Variants in BANK1 observed in about 807,000 individuals in gnomAD.
BANK1 encodes B cell scaffold protein with ankyrin repeats 1, also known as B-cell scaffold protein with ankyrin repeats.
Under a neutral mutation model 94.5 loss-of-function variants are expected in BANK1, and 95 were observed. That is an observed-to-expected ratio of 1.00 (90% CI 0.85 to 1.19). The LOEUF is 1.19. Ranked by LOEUF, BANK1 falls within the 50% of genes most tolerant of loss-of-function variation. The probability of loss-of-function intolerance (pLI) is 0.00; values close to 1 mark genes in which losing one functional copy is unlikely to be tolerated. For synonymous variants in BANK1, 334 were observed against 308.4 expected (o/e 1.08, Z -0.87); for missense variants, 987 against 932.2 (o/e 1.06, Z -0.77).
chr4:101,878,906 G>T (rs79352955), intron 5 of BANK1, among the ~76,000 whole-genome samples: 1 of 151,822 alleles, frequency 6.6e-6, no homozygotes, highest in Non-Finnish European at 1.5e-5. Flanking sequence ...TGAAACAAAT[G>T]ATATGGCAGT....
Position 101,830,140 on chromosome 4 carries a change from T to C in BANK1, c.403T>C (p.Trp135Arg). 6.2e-7 allele frequency: 1 copy of C among 1,609,704 alleles called. No homozygotes were observed. Among genetic ancestry groups the C allele is most frequent in the Non-Finnish European group, 8.5e-7 (1 of 1,178,670 alleles). The change falls in exon 2 of 17, where the codon TGG becomes CGG. Residue 135 changes from tryptophan (W) to arginine (R), a missense_variant. Physicochemically the swap from Trp to Arg is moderately radical, Grantham distance 101 (BLOSUM62 -3). Transcript: ENST00000322953. ...ATTACTAAATATCTCTCAAAGCAGA[T>C]GGGAGATCTCAACTGAACAGGAACC... ...YELLNISQSR[W>R]EISTEQEPED...
At chr4:101,800,289 A>T (rs1275769834) in intron 1 of BANK1, among the ~76,000 whole-genome samples, 1 of 152,126 alleles carries the variant, frequency 6.6e-6, no homozygotes, top group Non-Finnish European at 1.5e-5. Context: ...ATTTAAAAAA[A>T]AAAAGAAAAG....
intron 2 of BANK1, among the ~76,000 whole-genome samples, chr4:101,839,474 G>C (rs1726949707): frequency 6.6e-6 from 1 of 152,064 alleles, no homozygotes; most frequent in African/African-American, 2.4e-5. Context: ...GTATTTCTAG[G>C]GAGGTAAGTA....
rs70964197 is a variant in BANK1 at position 101,839,937 on chromosome 4, A to ATTTTTTTTTTTTTTTTTTT, written c.469+9762_469+9780dup. Among the ~76,000 whole-genome samples the ATTTTTTTTTTTTTTTTTTT allele has an allele frequency of 5.7e-5, 3 of 53,036 alleles. 1 individual carries two copies. The highest frequency in any genetic ancestry group is 1.1e-4 in the Non-Finnish European group (3 of 27,278). 34.8% of individuals were successfully genotyped at this position (53,036 alleles called of 152,430 possible). A position where few individuals can be genotyped will look rare whatever the true frequency, so the allele number is the denominator to read the frequency against. On this transcript the variant is annotated intron_variant, in intron 2 of 16. Transcript: ENST00000322953. ...GCTACTATATAATTTCAAATATTTAATTTTTTTTTTTTTTTTTTTTTTTTT... is the reference window on the plus strand; with the variant it reads ...GCTACTATATAATTTCAAATATTTAATTTTTTTTTTTTTTTTTTTTTTTTTTTTTTTTTTTTTTTTTTTT...
At chr4:101,811,318 T>A (rs1042525060) in intron 1 of BANK1, among the ~76,000 whole-genome samples, 1 of 152,192 alleles carries the variant, frequency 6.6e-6, no homozygotes, top group South Asian at 2.1e-4. Flanking sequence ...TGAACCATTT[T>A]TAACCCTGGT....
intron 6 of BANK1, among the ~76,000 whole-genome samples, chr4:101,907,334 G>A (rs1012286551): frequency 6.6e-6 from 1 of 151,494 alleles, no homozygotes; most frequent in African/African-American, 2.4e-5. Flanking sequence ...TGCAGAAAAG[G>A]CCTTTGACAA....
chr4:102,013,001 A>G (rs184256947), intron 7 of BANK1, among the ~76,000 whole-genome samples: 48 of 152,284 alleles, frequency 3.2e-4, no homozygotes, highest in Non-Finnish European at 5.4e-4. Context: ...TATTCAAAGC[A>G]GCAAGATGAT....
At chr4:101,797,573 TA>T (rs2148848887) in intron 1 of BANK1, among the ~76,000 whole-genome samples, 1 of 152,254 alleles carries the variant, frequency 6.6e-6, no homozygotes, top group African/African-American at 2.4e-5. Flanking sequence ...AACTATTACT[TA>T]CATACCTTTT....
chr4:101,828,948 C>T (rs1332447996), intron 1 of BANK1, among the ~76,000 whole-genome samples: 4 of 151,896 alleles, frequency 2.6e-5, no homozygotes, highest in African/African-American at 7.3e-5. Flanking sequence ...CTGCAAACTC[C>T]GCCTCCTGGG....
At chr4:102,042,891 A>T (rs912484718) in intron 10 of BANK1, among the ~76,000 whole-genome samples, 3 of 152,012 alleles carry the variant, frequency 2.0e-5, no homozygotes, top group African/African-American at 7.2e-5. Context: ...GCTGTAAGGA[A>T]CCACGCAATA....
At chr4:102,041,041 C>T (rs1291072649) in intron 10 of BANK1, among the ~76,000 whole-genome samples, 2 of 152,018 alleles carry the variant, frequency 1.3e-5, no homozygotes, top group Non-Finnish European at 2.9e-5. Context: ...AACAAATTCT[C>T]GTCTAACTAA....
intron 1 of BANK1, among the ~76,000 whole-genome samples, chr4:101,808,096 A>AT (rs35828857): frequency 0.24 from 36,522 of 149,526 alleles, 5,018 homozygotes; most frequent in Non-Finnish European, 0.32. Flanking sequence ...AAAAAAAAAA[A>AT]GAAATGAAAT....
rs114484585 is a variant in BANK1, at chr4:102,012,101, C to A, written c.1207-9413C>A. Among the ~76,000 whole-genome samples the A allele has an allele frequency of 9.1e-3, 1,380 of 152,144 alleles. 10 individuals carry two copies. The highest frequency in any genetic ancestry group is 0.016 in the Non-Finnish European group (1,073 of 67,964). ...CTGCTTAATGATACATGCATTCTTA[C>A]AAGTTAAATTTCATAATTTAAATGT... On this transcript the variant is annotated intron_variant, in intron 7 of 16. Transcript: ENST00000322953.
rs1728477066 is a variant in BANK1 at position 102,063,096 on chromosome 4, G to C, written c.2170G>C (p.Asp724His). ...IQQEKLRQLR[D>H]CIIGKRPEEE... ...TAAGGAGAAATTACGACAACTACGAGACTGCATTATTGGGAAAAGGCCAGA... is the reference window on the plus strand; with the variant it reads ...TAAGGAGAAATTACGACAACTACGACACTGCATTATTGGGAAAAGGCCAGA... The change falls in exon 13 of 17, where the codon GAC becomes CAC. Residue 724 changes from aspartate to histidine, a missense_variant. By Grantham distance (81) the Asp-to-His change is moderately conservative (BLOSUM62 -1). Coordinates refer to ENST00000322953, the MANE Select transcript of BANK1 (RefSeq NM_017935.5). 2.5e-6 allele frequency: 4 copies of C among 1,613,628 alleles called. No individual in the cohort carries two copies. In the Admixed American group the frequency reaches 6.7e-5, roughly 27 times the overall value.
In BANK1 at chr4:101,936,401, A is replaced by G. The variant is rs552848909; in HGVS notation, c.1206+18212A>G. Among the ~76,000 whole-genome samples, 6 of 150,158 alleles carry G rather than the reference A, an allele frequency of 4.0e-5. No homozygotes were observed. In the East Asian group the frequency reaches 5.9e-4, roughly 15 times the overall value. On this transcript the variant is annotated intron_variant, in intron 7 of 16. Transcript: ENST00000322953. ...CATACATGCATACATGCATGTATATATGTGCGTATGCATGTATACATGCAT... is the reference window on the plus strand; with the variant it reads ...CATACATGCATACATGCATGTATATGTGTGCGTATGCATGTATACATGCAT...
rs539388545 is a variant in BANK1 at position 102,000,567 on chromosome 4, T to C, written c.1207-20947T>C. Reference sequence around the variant, plus strand: ...AGACATTCATTTAACAAATATTACTTTTGCTGTGGTATGGATTGCTTGCAG... The same window carrying C: ...AGACATTCATTTAACAAATATTACTCTTGCTGTGGTATGGATTGCTTGCAG... On this transcript the variant is annotated intron_variant, in intron 7 of 16. Coordinates refer to ENST00000322953, the MANE Select transcript of BANK1 (RefSeq NM_017935.5). Among the ~76,000 whole-genome samples the C allele has an allele frequency of 8.9e-4, 135 of 152,176 alleles. 1 individual carries two copies. Among genetic ancestry groups the C allele is most frequent in the African/African-American group, 3.1e-3 (128 of 41,508 alleles).
chr4:101,790,773 G>C lies in BANK1; in HGVS notation c.-108G>C, dbSNP rs908455175. 5 of 1,231,922 alleles carry C rather than the reference G, an allele frequency of 4.1e-6. No individual in the cohort carries two copies. The highest frequency in any genetic ancestry group is 5.7e-6 in the Non-Finnish European group (5 of 872,800). 76.3% of individuals were successfully genotyped at this position (1,231,922 alleles called of 1,614,324 possible). On this transcript the variant is annotated 5_prime_UTR_variant, in exon 1 of 17. Coordinates refer to ENST00000322953, the MANE Select transcript of BANK1 (RefSeq NM_017935.5). Reference sequence around the variant, plus strand: ...CCGCGGGTGGCAAGCGGGCTGGGGAGAGCCGAGGGCCAAAGGAAGAGAAAA... The same window carrying C: ...CCGCGGGTGGCAAGCGGGCTGGGGACAGCCGAGGGCCAAAGGAAGAGAAAA...
intron 4 of BANK1, among the ~76,000 whole-genome samples, chr4:101,867,176 T>TAAAAAAAAAAAAA (rs754806525): frequency 3.0e-5 from 1 of 33,378 alleles, no homozygotes; most frequent in Non-Finnish European, 5.7e-5. Flanking sequence ...AAAAAAAATT[T>TAAAAAAAAAAAAA]AAAAAAAAAA....
intron 13 of BANK1, among the ~76,000 whole-genome samples, chr4:102,066,515 C>T (rs1728599622): frequency 6.6e-6 from 1 of 152,024 alleles, no homozygotes; most frequent in Non-Finnish European, 1.5e-5. Context: ...CCTCGGCCTC[C>T]CAAAGTGCTG....
Sources: gnomAD v4.1 joint callset for allele counts (sites outside exome capture counted in the v4.1 genomes callset) on GRCh38, gnomAD v4.1.1 for gene constraint, MANE v1.5 for transcripts, NCBI Gene and HGNC (gene_info 2026-07-23, HGNC 2026-07-21) for gene names.